The following PCDHGA2 variants were observed in gnomAD, a reference collection of about 807,000 sequenced individuals.
PCDHGA2 encodes protocadherin gamma subfamily A, 2, also known as protocadherin gamma-A2.
PCDHGA2 carries 40 observed loss-of-function variants against 59.2 expected under a neutral mutation model. The observed-to-expected ratio is 0.68, with a 90% CI of 0.52 to 0.88. The LOEUF (loss-of-function observed/expected upper bound fraction) is 0.88. Among genes scored for constraint, PCDHGA2 ranks in the 40% least tolerant of loss-of-function variants. PCDHGA2 has a pLI of 0.00. For synonymous variants in PCDHGA2, 560 were observed against 526.0 expected (o/e 1.06, Z -0.89); for missense variants, 1,226 against 1,204.0 (o/e 1.02, Z -0.27).
intron 1 of PCDHGA2, chr5:141,441,971 G>C: frequency 3.3e-6 from 1 of 298,820 alleles, no homozygotes; most frequent in Admixed American, 4.4e-5. Flanking sequence ...AGGCTCTTCA[G>C]CCTGGAATGC....
chr5:141,425,979 A>T lies in PCDHGA2; in HGVS notation c.2425-68828A>T, dbSNP rs114212354. ...GTCCAACACATCAGTCTAATTCTGA[A>T]TCCCATTGAATTAGCAAAGGCTTCC... On this transcript the variant is annotated intron_variant, in intron 1 of 3. Coordinates refer to ENST00000394576, the MANE Select transcript of PCDHGA2 (RefSeq NM_018915.4). Among the ~76,000 whole-genome samples, 592 of 152,328 alleles carry T rather than the reference A, an allele frequency of 3.9e-3. 5 individuals carry two copies. Among genetic ancestry groups the T allele is most frequent in the African/African-American group, 0.014 (563 of 41,580 alleles).
chr5:141,433,843 A>C (rs2097657951), intron 1 of PCDHGA2, among the ~76,000 whole-genome samples: 1 of 151,956 alleles, frequency 6.6e-6, no homozygotes, highest in African/African-American at 2.4e-5. Context: ...ATCTCAAAAA[A>C]AAAAAAAAAA....
At chr5:141,403,740 C>T in intron 1 of PCDHGA2, 1 of 1,613,920 alleles carries the variant, frequency 6.2e-7, no homozygotes, top group Non-Finnish European at 8.5e-7. Flanking sequence ...TGGCTGCTTA[C>T]TGCAACAGCC....
At chr5:141,484,009 TG>T (rs2099590446) in intron 1 of PCDHGA2, among the ~76,000 whole-genome samples, 1 of 14,098 alleles carries the variant, frequency 7.1e-5, no homozygotes, top group Admixed American at 8.3e-4. Context: ...TGGATGAGGG[TG>T]GGGGTGGGGT....
chr5:141,436,406 G>T (rs1403133377), intron 1 of PCDHGA2, among the ~76,000 whole-genome samples: 3 of 152,308 alleles, frequency 2.0e-5, no homozygotes, highest in East Asian at 3.9e-4. Context: ...GTTGTTGAAT[G>T]AATGGATAAA....
intron 1 of PCDHGA2, chr5:141,422,893 C>T (rs1405800318): frequency 3.1e-6 from 5 of 1,614,128 alleles, no homozygotes; most frequent in Admixed American, 3.3e-5. Flanking sequence ...CGTGCTGGAC[C>T]AGAACGACAA....
In PCDHGA2 at chr5:141,476,504, G is replaced by A; in HGVS notation, c.2425-18303G>A. On this transcript the variant is annotated intron_variant, in intron 1 of 3. Coordinates refer to ENST00000394576, the MANE Select transcript of PCDHGA2 (RefSeq NM_018915.4). This position sits in a 1 kb window ranked among gnomAD's most constrained non-coding sequence, Gnocchi z 7.6. ...GGAAGTGGTGATCCAGGACATCAAC[G>A]ACAACAATCCTGCTTTCCCTACCCA... The A allele has an allele frequency of 6.2e-7, 1 of 1,614,098 alleles. No individual in the cohort carries two copies. The highest frequency in any genetic ancestry group is 2.2e-5 in the East Asian group (1 of 44,854).
In PCDHGA2 at chr5:141,487,906, AGCACAGGAGGCTACAGT is replaced by A. The variant is rs2099668744; in HGVS notation, c.2425-6893_2425-6877del. ...TGGAAGCATGATGATGGAATGTGGG[AGCACAGGAGGCTACAGT>A]GCACAGGGTACAGTGCACCAGGCAG... On this transcript the variant is annotated intron_variant, in intron 1 of 3. Coordinates refer to ENST00000394576, the MANE Select transcript of PCDHGA2 (RefSeq NM_018915.4). The surrounding 1 kb of genome is among the most constrained non-coding windows in gnomAD (Gnocchi z 5.0). The A allele has an allele frequency of 8.7e-6, 6 of 686,524 alleles. No homozygotes were observed. The East Asian group carries it at 1.6e-4, about 19-fold the overall frequency. The allele number at this position is 686,524 out of a possible 1,614,324, so 42.5% of individuals were successfully genotyped here.
chr5:141,367,668 G>T (rs1218712700), intron 1 of PCDHGA2: 2 of 152,216 alleles, frequency 1.3e-5, no homozygotes, highest in East Asian at 3.9e-4. Flanking sequence ...TGGATATGTG[G>T]GCTTGTTGAG....
At chr5:141,427,461 G>A (rs1397917549) in intron 1 of PCDHGA2, 1 of 497,998 alleles carries the variant, frequency 2.0e-6, no homozygotes, top group Admixed American at 2.3e-5. Context: ...TTTTAGAATC[G>A]AATCTTCCGC....
intron 1 of PCDHGA2, chr5:141,365,297 G>T (rs538677777): frequency 6.2e-7 from 1 of 1,613,896 alleles, no homozygotes; most frequent in Non-Finnish European, 8.5e-7. Flanking sequence ...GGTAGCTCAG[G>T]ATGGAGGCGC....
Position 141,491,302 on chromosome 5 carries a change from T to TC in PCDHGA2, c.2425-3504dup. The TC allele has an allele frequency of 6.2e-7, 1 of 1,614,126 alleles. No individual in the cohort carries two copies. Among genetic ancestry groups the TC allele is most frequent in the Non-Finnish European group, 8.5e-7 (1 of 1,180,000 alleles). On this transcript the variant is annotated intron_variant, in intron 1 of 3. Transcript: ENST00000394576. The surrounding 1 kb of genome is among the most constrained non-coding windows in gnomAD (Gnocchi z 6.9). ...CTTCCTCATACACCCTCCTGAGCGT[T>TC]CAGACCTTACCCTTTACCTCATTGT... is the stretch of plus-strand genomic sequence containing the variant.
intron 1 of PCDHGA2, chr5:141,351,296 A>T: frequency 2.5e-6 from 4 of 1,613,934 alleles, no homozygotes; most frequent in Non-Finnish European, 3.4e-6. Context: ...GGTGACATTC[A>T]TGTCCTTCTC....
intron 1 of PCDHGA2, chr5:141,403,291 A>T: frequency 6.2e-7 from 1 of 1,613,918 alleles, no homozygotes; most frequent in Non-Finnish European, 8.5e-7. Flanking sequence ...TTGAAGACAG[A>T]GTGAAACTGT....
intron 1 of PCDHGA2, chr5:141,371,516 A>G: frequency 6.2e-7 from 1 of 1,613,882 alleles, no homozygotes. Flanking sequence ...CACATGATCT[A>G]GATTCTGGAT....
chr5:141,430,090 G>T (rs2097260736), intron 1 of PCDHGA2, among the ~76,000 whole-genome samples: 1 of 152,096 alleles, frequency 6.6e-6, no homozygotes, highest in Non-Finnish European at 1.5e-5. Context: ...ATGAAAATTT[G>T]ATTTTTAAGC....
In PCDHGA2 at chr5:141,491,737, G is replaced by A; in HGVS notation, c.2425-3070G>A. The A allele has an allele frequency of 6.2e-7, 1 of 1,600,586 alleles. No homozygotes were observed. Among genetic ancestry groups the A allele is most frequent in the Non-Finnish European group, 8.5e-7 (1 of 1,174,266 alleles). On this transcript the variant is annotated intron_variant, in intron 1 of 3. Coordinates refer to ENST00000394576, the MANE Select transcript of PCDHGA2 (RefSeq NM_018915.4). This position sits in a 1 kb window ranked among gnomAD's most constrained non-coding sequence, Gnocchi z 6.9. ...GGCGCCGCCCCGGGCGACCCCTGGG[G>A]GCGGCACTGGAGAAGCCGCCCGTCC...
At chr5:141,413,924 A>T in intron 1 of PCDHGA2, 1 of 1,613,408 alleles carries the variant, frequency 6.2e-7, no homozygotes, top group Non-Finnish European at 8.5e-7. Context: ...ACCTTGCCAG[A>T]ATACCGAGTG....
chr5:141,511,215 A>G lies in PCDHGA2; in HGVS notation c.*42A>G, dbSNP rs1562250541. On this transcript the variant is annotated 3_prime_UTR_variant, in exon 4 of 4. Coordinates refer to ENST00000394576, the MANE Select transcript of PCDHGA2 (RefSeq NM_018915.4). ...AGAGCCACAGGGCGGCCTCTCCCCA[A>G]CCAGCCCAGCTTCTCCTTACCTGCA... The G allele has an allele frequency of 1.2e-6, 2 of 1,608,380 alleles. No individual in the cohort carries two copies. The highest frequency in any genetic ancestry group is 2.2e-5 in the East Asian group (1 of 44,560).
Sources: gnomAD v4.1 joint callset for allele counts (sites outside exome capture counted in the v4.1 genomes callset) on GRCh38, gnomAD v4.1.1 for gene constraint, Gnocchi (gnomAD v3.1) non-coding constraint, MANE v1.5 for transcripts, NCBI Gene and HGNC (gene_info 2026-07-23, HGNC 2026-07-21) for gene names.